Variants in COTL1 observed in about 807,000 individuals in gnomAD.
COTL1 encodes coactosin like F-actin binding protein 1.
COTL1 carries 15 observed loss-of-function variants against 16.5 expected under a neutral mutation model. The ratio of observed to expected loss-of-function variants is 0.91; its 90% CI spans 0.61 to 1.40. COTL1 has a LOEUF of 1.40. Ranked by LOEUF, COTL1 falls within the 40% of genes most tolerant of loss-of-function variation. COTL1 has a pLI of 0.00. For synonymous variants in COTL1, 112 were observed against 85.3 expected, an observed-to-expected ratio of 1.31 and a Z score of -1.73; for missense variants, 220 against 201.5, an observed-to-expected ratio of 1.09 and a Z score of -0.56.
At chr16:84,593,527 T>TC (rs765722217) in intron 2 of COTL1, among the ~76,000 whole-genome samples, 96 of 150,788 alleles carry the variant, frequency 6.4e-4, no homozygotes, top group African/African-American at 2.2e-3. Context: ...TTTTTTTTTT[T>TC]TGAGAAGGGA....
At chr16:84,588,761 C>T (rs796743564) in intron 3 of COTL1, among the ~76,000 whole-genome samples, 3 of 152,132 alleles carry the variant, frequency 2.0e-5, no homozygotes, top group African/African-American at 7.2e-5. Flanking sequence ...AAGCAATCCT[C>T]CCACCTTAGC....
chr16:84,565,831 G>C lies in COTL1; in HGVS notation c.*1014C>G, dbSNP rs903601188. On this transcript the variant is annotated 3_prime_UTR_variant, in exon 4 of 4. Transcript: ENST00000262428. ...TGCAGACGCAGGACTGAAGCCACAG[G>C]CTTTTGGGGTGCTGTGAGCCCAGGG... 2.0e-5 allele frequency: 3 copies of C among 152,292 alleles called. No homozygotes were observed. Among genetic ancestry groups the C allele is most frequent in the Non-Finnish European group, 4.4e-5 (3 of 68,062 alleles). The allele number at this position is 152,292 out of a possible 1,614,324, so 9.4% of individuals were successfully genotyped here.
At chr16:84,592,047 G>A (rs1243175197) in intron 2 of COTL1, among the ~76,000 whole-genome samples, 1 of 152,088 alleles carries the variant, frequency 6.6e-6, no homozygotes, top group African/African-American at 2.4e-5. Flanking sequence ...GCAGGGTGCT[G>A]AGCAGCACCC....
At chr16:84,615,331 C>G (rs1382271367) in intron 2 of COTL1, among the ~76,000 whole-genome samples, 6 of 152,196 alleles carry the variant, frequency 3.9e-5, no homozygotes, top group African/African-American at 1.2e-4. Context: ...CCCTGGGGGG[C>G]AGGAGGTGGG....
intron 3 of COTL1, chr16:84,567,846 T>C (rs1904305186): frequency 1.3e-5 from 2 of 152,080 alleles, no homozygotes; most frequent in African/African-American, 4.8e-5. Flanking sequence ...GTTACTGCCA[T>C]ATGTGGATCA....
Position 84,612,225 on chromosome 16 carries a change from T to C in COTL1, c.160+5276A>G, listed in dbSNP as rs559218565. ...TGTAGCAGGTTACCAGATGGGTAAC[T>C]CACCTGCTCCAGAGCACATGAATGG... On this transcript the variant is annotated intron_variant, in intron 2 of 3. Coordinates refer to ENST00000262428, the MANE Select transcript of COTL1 (RefSeq NM_021149.5). Among the ~76,000 whole-genome samples, 9 of 152,294 alleles carry C rather than the reference T, an allele frequency of 5.9e-5. No homozygotes were observed. In the South Asian group the frequency reaches 1.0e-3, roughly 18 times the overall value.
At chr16:84,592,099 A>G (rs1285360709) in intron 2 of COTL1, among the ~76,000 whole-genome samples, 1 of 152,204 alleles carries the variant, frequency 6.6e-6, no homozygotes, top group African/African-American at 2.4e-5. Context: ...AAATGCCTCC[A>G]TACATTGCAG....
chr16:84,586,567 A>G lies in COTL1; in HGVS notation c.318+3538T>C, dbSNP rs191011649. Among the ~76,000 whole-genome samples, 294 of 152,324 alleles carry G rather than the reference A, an allele frequency of 1.9e-3. 1 individual carries two copies. The highest frequency in any genetic ancestry group is 6.7e-3 in the African/African-American group (280 of 41,582). The stretch of plus-strand genomic sequence containing the variant: ...AGCTGAATTGTACTTTAAAATGGCT[A>G]CAATGGTAAACTTTATGTTATTGTA... On this transcript the variant is annotated intron_variant, in intron 3 of 3. Coordinates refer to ENST00000262428, the MANE Select transcript of COTL1 (RefSeq NM_021149.5).
chr16:84,598,633 C>T (rs992417542), intron 2 of COTL1, among the ~76,000 whole-genome samples: 19 of 137,526 alleles, frequency 1.4e-4, no homozygotes, highest in Admixed American at 9.0e-4. Flanking sequence ...CCATCTGTGC[C>T]TCCTCCTCCC....
At chr16:84,609,831 C>T (rs1905284410) in intron 2 of COTL1, among the ~76,000 whole-genome samples, 1 of 152,206 alleles carries the variant, frequency 6.6e-6, no homozygotes, top group Non-Finnish European at 1.5e-5. Flanking sequence ...GTGTTTGCTT[C>T]CCCTTTTGCC....
At chr16:84,570,405 C>T (rs1196331238) in intron 3 of COTL1, among the ~76,000 whole-genome samples, 1 of 151,614 alleles carries the variant, frequency 6.6e-6, no homozygotes, top group African/African-American at 2.4e-5. Context: ...ACAAGCAAAA[C>T]AGACAGCAGA....
chr16:84,589,745 C>T lies in COTL1; in HGVS notation c.318+360G>A, dbSNP rs571106042. Among the ~76,000 whole-genome samples the T allele has an allele frequency of 1.2e-4, 18 of 152,194 alleles. No individual in the cohort carries two copies. In the South Asian group the frequency reaches 2.3e-3, roughly 19 times the overall value. ...AATGAATTCTCCCACGGGATCCTTG[C>T]GACCACCGCCGACAGTCAGCCAGGA... On this transcript the variant is annotated intron_variant, in intron 3 of 3. Coordinates refer to ENST00000262428, the MANE Select transcript of COTL1 (RefSeq NM_021149.5).
At chr16:84,593,239 G>A (rs901238413) in intron 2 of COTL1, among the ~76,000 whole-genome samples, 2 of 152,180 alleles carry the variant, frequency 1.3e-5, no homozygotes, top group Admixed American at 1.3e-4. Context: ...GCTATCTGGG[G>A]GTCAGTAGGT....
intron 2 of COTL1, among the ~76,000 whole-genome samples, chr16:84,616,846 C>T (rs1905499264): frequency 6.6e-6 from 1 of 152,184 alleles, no homozygotes. Flanking sequence ...CCCAGATCAA[C>T]AAATGTCTAC....
chr16:84,597,723 C>A (rs1399187723), intron 2 of COTL1, among the ~76,000 whole-genome samples: 2 of 152,162 alleles, frequency 1.3e-5, no homozygotes, highest in Admixed American at 1.3e-4. Flanking sequence ...CAGAGTTCAG[C>A]CCCCACGCCC....
At chr16:84,608,158 G>T (rs1282342346) in intron 2 of COTL1, among the ~76,000 whole-genome samples, 2 of 152,152 alleles carry the variant, frequency 1.3e-5, no homozygotes, top group African/African-American at 2.4e-5. Flanking sequence ...CTCTGGGTGT[G>T]GGTGGGCACC....
At chr16:84,605,319 G>C (rs554113510) in intron 2 of COTL1, among the ~76,000 whole-genome samples, 1 of 152,334 alleles carries the variant, frequency 6.6e-6, no homozygotes, top group African/African-American at 2.4e-5. Context: ...TACTGCCTCG[G>C]CTGTGAAATG....
chr16:84,571,134 G>C (rs1467671761), intron 3 of COTL1, among the ~76,000 whole-genome samples: 3 of 152,208 alleles, frequency 2.0e-5, no homozygotes, highest in Non-Finnish European at 2.9e-5. Flanking sequence ...CTTGTATTCA[G>C]ACATGAGCCT....
chr16:84,568,305 A>G (rs989825845), intron 3 of COTL1: 1 of 152,334 alleles, frequency 6.6e-6, no homozygotes, highest in Admixed American at 6.5e-5. Flanking sequence ...GCTAACCACA[A>G]TTATTAAGCA....
Sources: gnomAD v4.1 joint callset for allele counts (sites outside exome capture counted in the v4.1 genomes callset) on GRCh38, gnomAD v4.1.1 for gene constraint, MANE v1.5 for transcripts, NCBI Gene and HGNC (gene_info 2026-07-23, HGNC 2026-07-21) for gene names.